The following SLC6A5 variants were observed in gnomAD, a reference collection of about 807,000 sequenced individuals.
SLC6A5 encodes solute carrier family 6 member 5.
SLC6A5 carries 58 observed loss-of-function variants against 90.5 expected under a neutral mutation model. That is an observed-to-expected ratio of 0.64 (90% CI 0.52 to 0.80). The LOEUF (loss-of-function observed/expected upper bound fraction) is 0.80, where lower values mean the gene tolerates loss of function less well. Ranked by LOEUF, SLC6A5 falls within the 30% of genes least tolerant of loss-of-function variation. The pLI is 0.00. For synonymous variants in SLC6A5, 427 were observed against 401.4 expected (o/e 1.06, Z -0.76); for missense variants, 1,015 against 1,017.6 (o/e 1.00, Z 0.03).
chr11:20,654,772 C>T lies in SLC6A5; in HGVS notation c.2298C>T (p.Arg766=), dbSNP rs534286800. 38 of 1,614,026 alleles carry T rather than the reference C, an allele frequency of 2.4e-5. No individual in the cohort carries two copies. Among genetic ancestry groups the T allele is most frequent in the South Asian group, 3.3e-5 (3 of 91,066 alleles). The part of the protein sequence containing the change: ...PDWGPFLAQH[R]GERYKNMIDP... ...GGGGCCCATTCTTAGCTCAACACCG[C>T]GGGGAGCGTTACAAGAACATGATCG... is the stretch of plus-strand genomic sequence containing the variant. Residue 766 remains arginine, a synonymous_variant, in exon 16 of 16, where the codon CGC becomes CGT. Transcript: ENST00000525748.
intron 9 of SLC6A5, among the ~76,000 whole-genome samples, chr11:20,628,358 C>T (rs148243326): frequency 2.4e-3 from 369 of 152,288 alleles, no homozygotes; most frequent in Non-Finnish European, 4.4e-3. Context: ...GTGCAGTTGG[C>T]TGTGTTCTGT....
intron 10 of SLC6A5, among the ~76,000 whole-genome samples, chr11:20,634,353 C>G (rs113162190): frequency 1.3e-5 from 2 of 152,206 alleles, no homozygotes; most frequent in African/African-American, 2.4e-5. Flanking sequence ...TAAGTGGAGT[C>G]TGCTGTAATT....
chr11:20,601,788 G>C, intron 2 of SLC6A5, 123 bp downstream of exon 2: 1 of 1,064,036 alleles, frequency 9.4e-7, no homozygotes, highest in Non-Finnish European at 1.4e-6. Context: ...CCAGGTGATG[G>C]ATGCGGGAGG....
At chr11:20,641,634 C>G (rs570736746) in intron 13 of SLC6A5, among the ~76,000 whole-genome samples, 2 of 152,200 alleles carry the variant, frequency 1.3e-5, no homozygotes, top group South Asian at 4.1e-4. Flanking sequence ...TGGTATACAC[C>G]ACCAATTTCA....
Position 20,607,065 on chromosome 11 carries a change from C to T in SLC6A5, c.738C>T (p.Phe246=). The change falls in exon 4 of 16, where the codon TTC becomes TTT. Residue 246 remains phenylalanine (F), a synonymous_variant. Transcript: ENST00000525748. ...MLALAGLPIF[F]LEVSLGQFAS... is the part of the protein sequence containing the mutation. ...CTCTGGCTGGATTACCCATCTTCTT[C>T]TTGGAGGTGTCGCTGGGCCAGTTTG... is the stretch of plus-strand genomic sequence containing the variant. 1 of 1,614,100 alleles carries T rather than the reference C, an allele frequency of 6.2e-7. No homozygotes were observed.
chr11:20,607,262 A>G (rs1852601290), intron 4 of SLC6A5, 124 bp downstream of exon 4: 1 of 1,376,442 alleles, frequency 7.3e-7, no homozygotes, highest in Non-Finnish European at 1.0e-6. Context: ...TCCTTCCTTT[A>G]TTTGATCCTT....
At chr11:20,618,980 A>ACACACACACAC (rs1555041127) in intron 7 of SLC6A5, among the ~76,000 whole-genome samples, 25 of 146,526 alleles carry the variant, frequency 1.7e-4, no homozygotes, top group East Asian at 3.9e-4. Context: ...ACACACACAC[A>ACACACACACAC]AAGAAAAACC....
chr11:20,643,723 C>T (rs1052601698), intron 13 of SLC6A5, among the ~76,000 whole-genome samples: 2 of 152,208 alleles, frequency 1.3e-5, no homozygotes, highest in African/African-American at 4.8e-5. Context: ...TCAGCTGCAA[C>T]CTAAGGCATT....
At chr11:20,633,255 C>T (rs1853140732) in intron 10 of SLC6A5, among the ~76,000 whole-genome samples, 1 of 152,178 alleles carries the variant, frequency 6.6e-6, no homozygotes, top group Non-Finnish European at 1.5e-5. Flanking sequence ...ATTTAGCATT[C>T]CCAGGTGTAG....
Position 20,607,123 on chromosome 11 carries a change from A to T in SLC6A5, c.796A>T (p.Ile266Phe). The T allele has an allele frequency of 6.2e-7, 1 of 1,613,934 alleles. No homozygotes were observed. The highest frequency in any genetic ancestry group is 8.5e-7 in the Non-Finnish European group (1 of 1,179,948). The change falls in exon 4 of 16, where the codon ATC becomes TTC. Residue 266 changes from isoleucine to phenylalanine, a missense_variant. By Grantham distance (21) the Ile-to-Phe change is conservative. This residue lies in a region of SLC6A5 where 567 missense variants were observed against 507.3 expected (regional missense o/e 1.12). Transcript: ENST00000525748. ...GGGACCAGTGTCTGTGTGGAAGGCC[A>T]TCCCAGCTCTACAAGGTGAGTCCAG... is the stretch of plus-strand genomic sequence containing the variant. ...SQGPVSVWKA[I>F]PALQGCGIAM...
At chr11:20,636,572 GGCTCAGGATCACCTTGTATTTTGGGT>G (rs1367735578) in intron 11 of SLC6A5, among the ~76,000 whole-genome samples, 153 bp downstream of exon 11, 10 of 151,162 alleles carry the variant, frequency 6.6e-5, no homozygotes, top group African/African-American at 1.9e-4. Flanking sequence ...GCCTGTGTAG[GGCTCAGGATCACCTTGTATTTTGGGT>G]GCTCATGTAA....
rs1270665357 is a variant in SLC6A5, at chr11:20,646,333, C to A, written c.1970-501C>A. 2.6e-5 allele frequency among the ~76,000 whole-genome samples: 4 copies of A among 152,152 alleles called. No individual in the cohort carries two copies. In the East Asian group the frequency reaches 7.7e-4, roughly 29 times the overall value. On this transcript the variant is annotated intron_variant, in intron 13 of 15. Coordinates refer to ENST00000525748, the MANE Select transcript of SLC6A5 (RefSeq NM_004211.5). The stretch of plus-strand genomic sequence containing the variant: ...GTTTTTGTGTGCTATTATCATCTTG[C>A]ACGGCACAAAGATAAATGACTCATT...
intron 13 of SLC6A5, 46 bp from the exon 14 acceptor site, chr11:20,646,788 T>G: frequency 1.5e-6 from 2 of 1,361,854 alleles, no homozygotes; most frequent in Non-Finnish European, 2.1e-6. Flanking sequence ...CACCTCACCT[T>G]CCTGCTACTG....
intron 7 of SLC6A5, among the ~76,000 whole-genome samples, chr11:20,619,775 G>T (rs1852855053): frequency 2.0e-5 from 3 of 152,070 alleles, no homozygotes; most frequent in Non-Finnish European, 2.9e-5. Context: ...ACACTTGCTG[G>T]GTGAGCTGGA....
At chr11:20,634,114 C>T (rs1233256613) in intron 10 of SLC6A5, among the ~76,000 whole-genome samples, 1 of 152,186 alleles carries the variant, frequency 6.6e-6, no homozygotes, top group Non-Finnish European at 1.5e-5. Context: ...TTGTGATCTG[C>T]CCACCTTGGC....
chr11:20,646,940 G>T lies in SLC6A5; in HGVS notation c.2070+6G>T, dbSNP rs1468702884. The T allele has an allele frequency of 2.5e-6, 4 of 1,589,722 alleles. No homozygotes were observed. The highest frequency in any genetic ancestry group is 3.5e-6 in the Non-Finnish European group (4 of 1,157,998). Reference sequence around the variant, plus strand: ...TAACCCCAACCATTTTAACCGTAAGGATTTTGCATGTTTTCTTGTGCAGAC... The same window carrying T: ...TAACCCCAACCATTTTAACCGTAAGTATTTTGCATGTTTTCTTGTGCAGAC... On this transcript the variant is annotated splice_donor_region_variant and intron_variant, in intron 14 of 15. Transcript: ENST00000525748.
intron 14 of SLC6A5, among the ~76,000 whole-genome samples, chr11:20,648,994 A>G (rs1354474837): frequency 1.3e-5 from 2 of 152,180 alleles, no homozygotes; most frequent in African/African-American, 4.8e-5. Context: ...AATGCCAAGA[A>G]TTGAATCCAG....
At chr11:20,639,528 C>A (rs1446367987) in intron 13 of SLC6A5, among the ~76,000 whole-genome samples, 1 of 152,234 alleles carries the variant, frequency 6.6e-6, no homozygotes, top group East Asian at 1.9e-4. Flanking sequence ...GAAGAGGGGT[C>A]TAGGCCAGAG....
chr11:20,652,438 C>T lies in SLC6A5; in HGVS notation c.2220C>T (p.Ala740=), dbSNP rs746657860. The T allele has an allele frequency of 6.2e-7, 1 of 1,614,054 alleles. No individual in the cohort carries two copies. The highest frequency in any genetic ancestry group is 8.5e-7 in the Non-Finnish European group (1 of 1,179,940). The stretch of plus-strand genomic sequence containing the variant: ...TGTTTGTGATAAAAATGCATCTGGC[C>T]CCTGGAAGATTTATTGAGGTAATTC... The part of the protein sequence containing the change: ...PIMFVIKMHL[A]PGRFIERLKL... Residue 740 remains alanine (A), a synonymous_variant, in exon 15 of 16, where the codon GCC becomes GCT. Coordinates refer to ENST00000525748, the MANE Select transcript of SLC6A5 (RefSeq NM_004211.5).
Sources: allele counts gnomAD v4.1 joint callset (sites outside exome capture counted in the v4.1 genomes callset), GRCh38; gene constraint gnomAD v4.1.1; regional missense constraint gnomAD v4.1.1; transcripts MANE v1.5; gene names NCBI Gene and HGNC (gene_info 2026-07-23, HGNC 2026-07-21).